ANO3: variants seen among roughly 807,000 people sequenced by gnomAD.
ANO3 encodes the protein anoctamin 3.
Under a neutral mutation model 144.8 loss-of-function variants are expected in ANO3, and 99 were observed. That is an observed-to-expected ratio of 0.68 (90% CI 0.58 to 0.81). The LOEUF is 0.81. ANO3 is among the 30% of genes least tolerant of loss of function. The pLI, the probability that ANO3 is intolerant of heterozygous loss-of-function variation, is 0.00. For synonymous variants in ANO3, 414 were observed against 392.6 expected, an observed-to-expected ratio of 1.05 and a Z score of -0.64; for missense variants, 905 against 1,202.2, an observed-to-expected ratio of 0.75 and a Z score of 3.66.
chr11:26,527,822 T>C (rs1849203711), intron 7 of ANO3, among the ~76,000 whole-genome samples: 1 of 152,132 alleles, frequency 6.6e-6, no homozygotes, highest in Non-Finnish European at 1.5e-5. Flanking sequence ...AAAATGACTC[T>C]GCAAGGGAAG....
chr11:26,639,358 C>A, intron 21 of ANO3, 117 bp downstream of exon 21: 1 of 706,136 alleles, frequency 1.4e-6, no homozygotes, highest in Non-Finnish European at 2.5e-6. Context: ...TGGCTCAATT[C>A]CTGTTCTGCT....
At chr11:26,624,417 CA>C in intron 17 of ANO3, 44 bp from the exon 18 acceptor site, 1 of 1,439,750 alleles carries the variant, frequency 6.9e-7, no homozygotes, top group Non-Finnish European at 9.7e-7. Flanking sequence ...CAGCCTTTTC[CA>C]AAAGAGAGGA....
chr11:26,601,008 G>A (rs1228665469), intron 17 of ANO3, among the ~76,000 whole-genome samples: 1 of 152,118 alleles, frequency 6.6e-6, no homozygotes, highest in Non-Finnish European at 1.5e-5. Flanking sequence ...AATTTCCTCT[G>A]AAAATAGAAG....
At chr11:26,375,721 G>A (rs1448055530) in intron 1 of ANO3, among the ~76,000 whole-genome samples, 2 of 152,154 alleles carry the variant, frequency 1.3e-5, no homozygotes, top group Non-Finnish European at 2.9e-5. Context: ...ATATATGCAT[G>A]AGGCAATAAG....
intron 1 of ANO3, among the ~76,000 whole-genome samples, chr11:26,391,478 C>T (rs1856877281): frequency 1.3e-5 from 2 of 152,168 alleles, no homozygotes; most frequent in Admixed American, 1.3e-4. Context: ...AATAGTAGCA[C>T]AAACATTGAT....
intron 1 of ANO3, among the ~76,000 whole-genome samples, chr11:26,409,759 A>C (rs1210981559): frequency 6.6e-6 from 1 of 151,946 alleles, no homozygotes; most frequent in African/African-American, 2.4e-5. Flanking sequence ...GGAATATTAA[A>C]TTGCGTGTGA....
chr11:26,198,859 C>T (rs921583070), intron 1 of ANO3, among the ~76,000 whole-genome samples: 1 of 152,094 alleles, frequency 6.6e-6, no homozygotes, highest in African/African-American at 2.4e-5. Context: ...AATGTTTATG[C>T]CTAATTTGAG....
At chr11:26,500,583 T>C (rs930864749) in intron 4 of ANO3, among the ~76,000 whole-genome samples, 1 of 152,142 alleles carries the variant, frequency 6.6e-6, no homozygotes, top group African/African-American at 2.4e-5. Flanking sequence ...TGCTTGTTGG[T>C]CATTTCTATA....
At chr11:26,284,100 G>A (rs72874983) in intron 1 of ANO3, among the ~76,000 whole-genome samples, 13,222 of 152,164 alleles carry the variant, frequency 0.087, 761 homozygotes, top group Non-Finnish European at 0.13. Context: ...TTGGAGGACA[G>A]GGCCAGAAGT....
intron 1 of ANO3, chr11:26,287,180 C>T (rs1313117479): frequency 2.6e-5 from 4 of 152,270 alleles, no homozygotes; most frequent in Non-Finnish European, 4.4e-5. Context: ...ATCTGCACCA[C>T]CAGAGCAGAG....
At chr11:26,411,995 A>G (rs2133986870) in intron 1 of ANO3, among the ~76,000 whole-genome samples, 1 of 152,154 alleles carries the variant, frequency 6.6e-6, no homozygotes, top group South Asian at 2.1e-4. Context: ...AGGCTGTAGT[A>G]GACATCAAAT....
intron 1 of ANO3, among the ~76,000 whole-genome samples, chr11:26,311,090 G>C (rs913359286): frequency 6.6e-6 from 1 of 152,136 alleles, no homozygotes; most frequent in East Asian, 1.9e-4. Context: ...AAATTAGAAA[G>C]GAGAAATGGG....
chr11:26,567,085 T>C, intron 14 of ANO3: 1 of 1,493,682 alleles, frequency 6.7e-7, no homozygotes, highest in Non-Finnish European at 9.0e-7. Flanking sequence ...ATAGATTGTA[T>C]TATGCCCATT....
chr11:26,402,426 C>T (rs1029599523), intron 1 of ANO3, among the ~76,000 whole-genome samples: 2 of 151,974 alleles, frequency 1.3e-5, no homozygotes, highest in African/African-American at 4.8e-5. Flanking sequence ...TGATTGTTAA[C>T]CCCATGTATG....
chr11:26,629,963 A>G (rs370701404), intron 18 of ANO3, among the ~76,000 whole-genome samples: 3 of 152,148 alleles, frequency 2.0e-5, no homozygotes, highest in African/African-American at 7.2e-5. Flanking sequence ...GGAATTTCCA[A>G]TGGGATTTTA....
chr11:26,613,466 T>C (rs1341445464), intron 17 of ANO3, among the ~76,000 whole-genome samples: 4 of 152,226 alleles, frequency 2.6e-5, no homozygotes, highest in African/African-American at 9.6e-5. Context: ...TTATTTACAA[T>C]GCTTTTTTAG....
chr11:26,236,784 C>G (rs1406291876), intron 1 of ANO3, among the ~76,000 whole-genome samples: 4 of 144,768 alleles, frequency 2.8e-5, no homozygotes, highest in Non-Finnish European at 4.5e-5. Context: ...CGCCACTGCA[C>G]TCCAGCCTGG....
intron 1 of ANO3, among the ~76,000 whole-genome samples, chr11:26,259,151 A>G (rs1006630885): frequency 6.6e-6 from 1 of 152,166 alleles, no homozygotes; most frequent in Admixed American, 6.5e-5. Context: ...AAAATCCAGG[A>G]ATTTTATATG....
chr11:26,335,171 G>T (rs1855160550), intron 1 of ANO3, among the ~76,000 whole-genome samples: 1 of 152,114 alleles, frequency 6.6e-6, no homozygotes, highest in South Asian at 2.1e-4. Flanking sequence ...TCTACTTACA[G>T]GTTATGTCAT....
Sources: allele counts gnomAD v4.1 joint callset (sites outside exome capture counted in the v4.1 genomes callset), GRCh38; gene constraint gnomAD v4.1.1; transcripts MANE v1.5; gene names NCBI Gene and HGNC (gene_info 2026-07-23, HGNC 2026-07-21).